DLG2: variants seen among roughly 807,000 people sequenced by gnomAD.
DLG2 encodes the protein disks large homolog 2.
Under a neutral mutation model 132.5 loss-of-function variants are expected in DLG2, and 45 were observed. The ratio of observed to expected loss-of-function variants is 0.34; its 90% CI spans 0.27 to 0.44. The LOEUF is 0.44. DLG2 is among the 20% of genes least tolerant of loss of function. The probability of loss-of-function intolerance (pLI) is 1.00; values close to 1 mark genes in which losing one functional copy is unlikely to be tolerated. For synonymous variants in DLG2, 424 were observed against 419.6 expected (o/e 1.01, Z -0.13); for missense variants, 1,045 against 1,196.9 (o/e 0.87, Z 1.87).
At chr11:83,676,706 G>C (rs1325752455) in intron 18 of DLG2, among the ~76,000 whole-genome samples, 1 of 152,180 alleles carries the variant, frequency 6.6e-6, no homozygotes, top group Non-Finnish European at 1.5e-5. Context: ...AATGCATTCT[G>C]CCTTTCCACC....
At chr11:83,786,522 AC>A in intron 18 of DLG2, 167 bp downstream of exon 18, 1 of 575,468 alleles carries the variant, frequency 1.7e-6, no homozygotes, top group African/African-American at 1.9e-5. Flanking sequence ...ATTAGAGGTA[AC>A]AAAGCCACGG....
intron 5 of DLG2, among the ~76,000 whole-genome samples, chr11:85,142,076 T>A (rs1449368825): frequency 6.6e-6 from 1 of 151,896 alleles, no homozygotes; most frequent in Non-Finnish European, 1.5e-5. Context: ...TTAGGATTAC[T>A]TTGTTATTTC....
At chr11:83,600,482 A>G (rs1267382103) in intron 19 of DLG2, among the ~76,000 whole-genome samples, 1 of 152,252 alleles carries the variant, frequency 6.6e-6, no homozygotes, top group Non-Finnish European at 1.5e-5. Flanking sequence ...TGGGACTTTT[A>G]GAAAACTTGT....
chr11:85,342,918 G>T (rs769107217), intron 3 of DLG2, among the ~76,000 whole-genome samples: 1 of 152,048 alleles, frequency 6.6e-6, no homozygotes, highest in Non-Finnish European at 1.5e-5. Flanking sequence ...GTAATATGTA[G>T]AAATATACTA....
At chr11:84,655,818 T>C (rs2099687561) in intron 6 of DLG2, among the ~76,000 whole-genome samples, 1 of 151,168 alleles carries the variant, frequency 6.6e-6, no homozygotes, top group African/African-American at 2.4e-5. Context: ...ACTATGCAAA[T>C]GTTACTCTTA....
chr11:85,219,270 T>A (rs2082846162), intron 4 of DLG2, among the ~76,000 whole-genome samples: 1 of 152,150 alleles, frequency 6.6e-6, no homozygotes, highest in African/African-American at 2.4e-5. Flanking sequence ...CATAAAAGCT[T>A]TTTCTGACAC....
chr11:85,214,333 C>T (rs2082440931), intron 4 of DLG2, among the ~76,000 whole-genome samples: 1 of 152,166 alleles, frequency 6.6e-6, no homozygotes, highest in Non-Finnish European at 1.5e-5. Context: ...TTTCAAAACT[C>T]ACATTCCTGA....
At chr11:84,974,938 C>A (rs973126462) in intron 6 of DLG2, among the ~76,000 whole-genome samples, 2 of 152,198 alleles carry the variant, frequency 1.3e-5, no homozygotes, top group Non-Finnish European at 2.9e-5. Context: ...TTAATTTGAT[C>A]TCCAAAAACC....
chr11:85,539,500 G>T (rs1240246909), intron 3 of DLG2, among the ~76,000 whole-genome samples: 1 of 152,154 alleles, frequency 6.6e-6, no homozygotes, highest in Non-Finnish European at 1.5e-5. Flanking sequence ...ACTAAGGAGA[G>T]GAAGAATTAG....
chr11:83,750,997 C>A (rs1050236013), intron 18 of DLG2, among the ~76,000 whole-genome samples: 3 of 152,146 alleles, frequency 2.0e-5, no homozygotes, highest in African/African-American at 4.8e-5. Context: ...CACTGAACTT[C>A]TCTTCTAATG....
intron 3 of DLG2, among the ~76,000 whole-genome samples, chr11:85,321,939 C>A (rs1055259587): frequency 2.6e-5 from 4 of 151,724 alleles, no homozygotes. Context: ...TGGGGCAGTT[C>A]CGAGAGAAAA....
At chr11:84,464,426 T>A (rs2099088682) in intron 7 of DLG2, among the ~76,000 whole-genome samples, 1 of 151,190 alleles carries the variant, frequency 6.6e-6, no homozygotes, top group African/African-American at 2.4e-5. Flanking sequence ...AGAATCTAGT[T>A]ATGTGATAGA....
chr11:84,645,434 TA>T (rs1167471010), intron 6 of DLG2, among the ~76,000 whole-genome samples: 1 of 152,200 alleles, frequency 6.6e-6, no homozygotes, highest in Non-Finnish European at 1.5e-5. Context: ...AACACAAGGA[TA>T]AGCTATTAAG....
chr11:84,571,818 T>G (rs984780659), intron 6 of DLG2, among the ~76,000 whole-genome samples: 1 of 152,136 alleles, frequency 6.6e-6, no homozygotes, highest in Middle Eastern at 3.2e-3. Flanking sequence ...AAAACAAGCA[T>G]GAAAGACATG....
At chr11:85,012,763 T>C (rs956572240) in intron 6 of DLG2, among the ~76,000 whole-genome samples, 3 of 152,166 alleles carry the variant, frequency 2.0e-5, no homozygotes, top group Admixed American at 6.6e-5. Flanking sequence ...AAATATCAAA[T>C]GAGTATTTTT....
At chr11:83,464,867 G>C (rs1270237111) in intron 26 of DLG2, among the ~76,000 whole-genome samples, 2 of 152,202 alleles carry the variant, frequency 1.3e-5, no homozygotes, top group African/African-American at 4.8e-5. Flanking sequence ...TAAGATGGCT[G>C]TTCCCAGGAA....
At chr11:83,548,430 T>C (rs1390408611) in intron 19 of DLG2, among the ~76,000 whole-genome samples, 4 of 152,054 alleles carry the variant, frequency 2.6e-5, no homozygotes, top group Non-Finnish European at 5.9e-5. Flanking sequence ...AGGAAGCAAA[T>C]TTGTCACGGC....
At chr11:84,272,221 G>T (rs1288124247) in intron 7 of DLG2, 1 of 390,118 alleles carries the variant, frequency 2.6e-6, no homozygotes, top group Non-Finnish European at 5.2e-6. Context: ...AAGTGATTTC[G>T]AAGTTACAGG....
At chr11:84,074,415 C>T (rs372021055) in intron 10 of DLG2, among the ~76,000 whole-genome samples, 9 of 152,190 alleles carry the variant, frequency 5.9e-5, no homozygotes, top group African/African-American at 9.6e-5. Flanking sequence ...TCCATCTCTA[C>T]GACTATCACC....
Sources: gnomAD v4.1 joint callset for allele counts (sites outside exome capture counted in the v4.1 genomes callset) on GRCh38, gnomAD v4.1.1 for gene constraint, MANE v1.5 for transcripts, NCBI Gene and HGNC (gene_info 2026-07-23, HGNC 2026-07-21) for gene names.